ATP6V0B: variants seen among roughly 807,000 people sequenced by gnomAD.
The protein encoded by ATP6V0B is V-type proton ATPase 21 kDa proteolipid subunit c''.
A neutral mutation model predicts 26.2 loss-of-function variants in ATP6V0B; 4 were observed. That is an observed-to-expected ratio of 0.15 (90% CI 0.08 to 0.35). The LOEUF is 0.35. ATP6V0B is among the 10% of genes least tolerant of loss of function. The pLI, the probability that ATP6V0B is intolerant of heterozygous loss-of-function variation, is 1.00. For missense variants in ATP6V0B, 175 were observed against 272.5 expected (o/e 0.64, Z 2.52); for synonymous variants, 110 against 105.8 (o/e 1.04, Z -0.24).
At position 43,976,700 on chromosome 1, in the gene ATP6V0B, T is replaced by G. The variant is rs2085524158; in HGVS notation, c.348+41T>G. The G allele has an allele frequency of 3.1e-6, 5 of 1,613,404 alleles. No individual in the cohort carries two copies. The South Asian group carries it at 5.5e-5, about 18-fold the overall frequency. On this transcript the variant is annotated intron_variant, in intron 5 of 7. Coordinates refer to ENST00000472174, the MANE Select transcript of ATP6V0B (RefSeq NM_004047.5). This position sits in a 1 kb window ranked among gnomAD's most constrained non-coding sequence, Gnocchi z 4.6. ...GTGGTGGCGGGAATCCATTCCAGTG[T>G]GTTCTACACATTCCTTAGAGATTGG... is the stretch of plus-strand genomic sequence containing the variant.
In ATP6V0B at chr1:43,977,013, T is replaced by C. The variant is rs768366792; in HGVS notation, c.401-13T>C. 1 of 1,601,934 alleles carries C rather than the reference T, an allele frequency of 6.2e-7. No homozygotes were observed. Among genetic ancestry groups the C allele is most frequent in the Admixed American group, 1.7e-5 (1 of 59,380 alleles). The stretch of plus-strand genomic sequence containing the variant: ...CTGGCTTAGCCTCACTGCACCCCTC[T>C]CTATCCTCCCAGGCTACTCCATGTT... On this transcript the variant is annotated splice_polypyrimidine_tract_variant and intron_variant, in intron 6 of 7. Transcript: ENST00000472174.
At position 43,977,088 on chromosome 1, in the gene ATP6V0B, G is replaced by A. The variant is rs373883976; in HGVS notation, c.463G>A (p.Val155Met). ...GLSNLFCGVC[V>M]GIVGSGAALA... ...GTCTAACCTCTTCTGTGGAGTCTGCGTGGGCATCGTGGGCAGTGGGGCTGC... is the reference window on the plus strand; with the variant it reads ...GTCTAACCTCTTCTGTGGAGTCTGCATGGGCATCGTGGGCAGTGGGGCTGC... Residue 155 changes from valine (V) to methionine (M), a missense_variant, in exon 7 of 8, where the codon GTG becomes ATG. By Grantham distance (21) the Val-to-Met change is conservative (BLOSUM62 1). Coordinates refer to ENST00000472174, the MANE Select transcript of ATP6V0B (RefSeq NM_004047.5). The A allele has an allele frequency of 3.7e-6, 6 of 1,614,052 alleles. No homozygotes were observed. The highest frequency in any genetic ancestry group is 2.2e-5 in the East Asian group (1 of 44,900).
At position 43,976,247 on chromosome 1, in the gene ATP6V0B, G is replaced by A. The variant is rs951534601; in HGVS notation, c.201-55G>A. ...GTGGTGTCACTGGGGTCTTAGGCAT[G>A]CTGAGGGCAGTGACAGCTTGGGCTC... On this transcript the variant is annotated intron_variant, in intron 3 of 7. Transcript: ENST00000472174. The surrounding 1 kb of genome is among the most constrained non-coding windows in gnomAD (Gnocchi z 4.6). 1.2e-6 allele frequency: 2 copies of A among 1,609,412 alleles called. No homozygotes were observed. The highest frequency in any genetic ancestry group is 1.7e-5 in the Admixed American group (1 of 60,012).
chr1:43,975,735 T>G, intron 1 of ATP6V0B, 65 bp from the exon 2 acceptor site: 1 of 1,572,768 alleles, frequency 6.4e-7, no homozygotes, highest in Non-Finnish European at 8.7e-7. Flanking sequence ...GGCAGCTACT[T>G]TAGGTTGAAG....
chr1:43,976,867 G>T lies in ATP6V0B; in HGVS notation c.400+43G>T. On this transcript the variant is annotated intron_variant, in intron 6 of 7. Coordinates refer to ENST00000472174, the MANE Select transcript of ATP6V0B (RefSeq NM_004047.5). The surrounding 1 kb of genome is among the most constrained non-coding windows in gnomAD (Gnocchi z 4.6). ...TGAATGCAAAATGCTGGGACTTCAT[G>T]CCTGCTTCCACTCTCCCCCATCCCA... The T allele has an allele frequency of 6.2e-7, 1 of 1,610,002 alleles. No individual in the cohort carries two copies. The highest frequency in any genetic ancestry group is 8.5e-7 in the Non-Finnish European group (1 of 1,176,526).
At chr1:43,975,298 G>A (rs1223453705) in intron 1 of ATP6V0B, 191 bp downstream of exon 1, 1 of 737,106 alleles carries the variant, frequency 1.4e-6, no homozygotes, top group South Asian at 1.6e-5. Context: ...TTGAGGAGGG[G>A]TGCGGGCGGG....
intron 7 of ATP6V0B, chr1:43,977,675 G>A (rs1271662457): frequency 7.0e-7 from 1 of 1,427,220 alleles, no homozygotes; most frequent in African/African-American, 1.4e-5. Context: ...TAGTCTGTCT[G>A]ACAGTGTGTG....
At position 43,978,014 on chromosome 1, in the gene ATP6V0B, T is replaced by A. The variant is rs756866050; in HGVS notation, c.*7T>A. 10 of 1,614,104 alleles carry A rather than the reference T, an allele frequency of 6.2e-6. No individual in the cohort carries two copies. The highest frequency in any genetic ancestry group is 1.7e-5 in the Admixed American group (1 of 60,004). On this transcript the variant is annotated 3_prime_UTR_variant, in exon 8 of 8. Transcript: ENST00000472174. ...AGTGAAGATGGGTGACTAGATGATA[T>A]GTGTGGGTGGGGCCGTGCCTCACTT...
chr1:43,975,773 C>T, intron 1 of ATP6V0B, 27 bp from the exon 2 acceptor site: 1 of 1,583,902 alleles, frequency 6.3e-7, no homozygotes. Context: ...CAGCCCGTAA[C>T]CCCCTTTTTC....
Position 43,977,186 on chromosome 1 carries a change from C to T in ATP6V0B, c.561C>T (p.Gly187=). The T allele has an allele frequency of 3.7e-6, 6 of 1,614,150 alleles. No homozygotes were observed. The highest frequency in any genetic ancestry group is 5.1e-6 in the Non-Finnish European group (6 of 1,180,026). ...LIVEIFGSAI[G]LFGVIVAILQ... is the part of the protein sequence containing the mutation. ...TGGAGATCTTTGGCAGCGCCATTGG[C>T]CTCTTTGGGGTCATCGTCGCAATTC... The change falls in exon 7 of 8, where the codon GGC becomes GGT. Residue 187 remains glycine, a synonymous_variant. Coordinates refer to ENST00000472174, the MANE Select transcript of ATP6V0B (RefSeq NM_004047.5).
Position 43,976,923 on chromosome 1 carries a change from C to CTACTT in ATP6V0B, c.400+101_401-97dup. The CTACTT allele has an allele frequency of 6.2e-7, 1 of 1,601,280 alleles. No homozygotes were observed. The highest frequency in any genetic ancestry group is 1.1e-5 in the South Asian group (1 of 90,752). ...GGCCATCATTTTGATATTCTCTCAC[C>CTACTT]TACTTTTTCTGCTTTGCAGAGTGGG... On this transcript the variant is annotated intron_variant, in intron 6 of 7. Transcript: ENST00000472174. This position sits in a 1 kb window ranked among gnomAD's most constrained non-coding sequence, Gnocchi z 4.6.
Position 43,977,009 on chromosome 1 carries a change from CCTCT to C in ATP6V0B, c.401-14_401-11del, listed in dbSNP as rs1356732653. 1.9e-6 allele frequency: 3 copies of C among 1,601,050 alleles called. No homozygotes were observed. The African/African-American group carries it at 4.0e-5, about 21-fold the overall frequency. On this transcript the variant is annotated splice_polypyrimidine_tract_variant and intron_variant, in intron 6 of 7. Transcript: ENST00000472174. ...ATTCCTGGCTTAGCCTCACTGCACCCCTCTCTATCCTCCCAGGCTACTCCATGTT... is the reference window on the plus strand; with the variant it reads ...ATTCCTGGCTTAGCCTCACTGCACCCCTATCCTCCCAGGCTACTCCATGTT...
chr1:43,976,263 G>T lies in ATP6V0B; in HGVS notation c.201-39G>T. The T allele has an allele frequency of 6.2e-7, 1 of 1,610,868 alleles. No individual in the cohort carries two copies. Among genetic ancestry groups the T allele is most frequent in the East Asian group, 2.2e-5 (1 of 44,856 alleles). On this transcript the variant is annotated intron_variant, in intron 3 of 7. Coordinates refer to ENST00000472174, the MANE Select transcript of ATP6V0B (RefSeq NM_004047.5). The surrounding 1 kb of genome is among the most constrained non-coding windows in gnomAD (Gnocchi z 4.6). ...CTTAGGCATGCTGAGGGCAGTGACAGCTTGGGCTCTGCTCATCAGTTTTTT... is the reference window on the plus strand; with the variant it reads ...CTTAGGCATGCTGAGGGCAGTGACATCTTGGGCTCTGCTCATCAGTTTTTT...
intron 1 of ATP6V0B, chr1:43,975,370 C>A (rs1325323514): frequency 7.1e-6 from 4 of 566,814 alleles, no homozygotes; most frequent in Non-Finnish European, 1.2e-5. Flanking sequence ...CTCGCTCCCA[C>A]GTCTCACTGC....
Position 43,978,276 on chromosome 1 carries a change from C to G in ATP6V0B, c.*269C>G. ...ATCTTCCTAGTGTTTGTGAAATAAA[C>G]TTGGTATTTGTCTGGGTCAGTGCAG... is the stretch of plus-strand genomic sequence containing the variant. On this transcript the variant is annotated 3_prime_UTR_variant, in exon 8 of 8. Coordinates refer to ENST00000472174, the MANE Select transcript of ATP6V0B (RefSeq NM_004047.5). 1 of 566,420 alleles carries G rather than the reference C, an allele frequency of 1.8e-6. No homozygotes were observed. The highest frequency in any genetic ancestry group is 3.0e-5 in the East Asian group (1 of 32,992). 35.1% of individuals were successfully genotyped at this position (566,420 alleles called of 1,614,324 possible).
chr1:43,977,568 C>T, intron 7 of ATP6V0B: 2 of 1,425,152 alleles, frequency 1.4e-6, no homozygotes, highest in Non-Finnish European at 1.8e-6. Context: ...CTGTCTATAT[C>T]AGTCTGTCAT....
chr1:43,975,019 GACCCCCGCCGCC>G lies in ATP6V0B; in HGVS notation c.-21_-10del, dbSNP rs2085500931. ...TTTGTAGCTCCGGCCCCGCCGTTCC[GACCCCCGCCGCC>G]GTCGCCGCCATGACGGGGCTAGCAC... On this transcript the variant is annotated 5_prime_UTR_variant, in exon 1 of 8. Coordinates refer to ENST00000472174, the MANE Select transcript of ATP6V0B (RefSeq NM_004047.5). 7.9e-7 allele frequency: 1 copy of G among 1,264,852 alleles called. No homozygotes were observed. Among genetic ancestry groups the G allele is most frequent in the Admixed American group, 4.2e-5 (1 of 23,916 alleles). 78.4% of individuals were successfully genotyped at this position (1,264,852 alleles called of 1,614,324 possible).
Position 43,976,855 on chromosome 1 carries a change from C to T in ATP6V0B, c.400+31C>T, listed in dbSNP as rs763494081. The T allele has an allele frequency of 1.4e-5, 22 of 1,612,586 alleles. No individual in the cohort carries two copies. The highest frequency in any genetic ancestry group is 1.9e-5 in the Non-Finnish European group (22 of 1,178,704). On this transcript the variant is annotated intron_variant, in intron 6 of 7. Coordinates refer to ENST00000472174, the MANE Select transcript of ATP6V0B (RefSeq NM_004047.5). This position sits in a 1 kb window ranked among gnomAD's most constrained non-coding sequence, Gnocchi z 4.6. ...TGGATGGGCGTATGAATGCAAAATG[C>T]TGGGACTTCATGCCTGCTTCCACTC...
Position 43,976,344 on chromosome 1 carries a change from G to A in ATP6V0B, c.243G>A (p.Val81=), listed in dbSNP as rs1389688520. 2.5e-6 allele frequency: 4 copies of A among 1,613,740 alleles called. No individual in the cohort carries two copies. The highest frequency in any genetic ancestry group is 3.4e-6 in the Non-Finnish European group (4 of 1,179,824). Residue 81 remains valine (V), a synonymous_variant, in exon 4 of 8, where the codon GTG becomes GTA. Coordinates refer to ENST00000472174, the MANE Select transcript of ATP6V0B (RefSeq NM_004047.5). The surrounding 1 kb of genome is among the most constrained non-coding windows in gnomAD (Gnocchi z 4.6). ...ITGSSIIGGG[V]KAPRIKTKNL... is the part of the protein sequence containing the mutation. ...GCTCCTCCATCATTGGTGGAGGAGT[G>A]AAGGCCCCCAGGATCAAGACCAAGA... is the stretch of plus-strand genomic sequence containing the variant.
Sources: allele counts gnomAD v4.1 joint callset, GRCh38; gene constraint gnomAD v4.1.1; non-coding constraint Gnocchi (gnomAD v3.1); transcripts MANE v1.5; gene names NCBI Gene and HGNC (gene_info 2026-07-23, HGNC 2026-07-21).